Variants in ZFHX4 observed in about 807,000 individuals in gnomAD.
ZFHX4 encodes zinc finger homeobox 4, also known as zinc finger homeobox protein 4.
Under a neutral mutation model 267.6 loss-of-function variants are expected in ZFHX4, and 56 were observed. That is an observed-to-expected ratio of 0.21 (90% CI 0.17 to 0.26). The LOEUF (loss-of-function observed/expected upper bound fraction) is 0.26, where lower values mean the gene tolerates loss of function less well. ZFHX4 is among the 10% of genes least tolerant of loss of function. The probability of loss-of-function intolerance (pLI) is 1.00; values close to 1 mark genes in which losing one functional copy is unlikely to be tolerated. For synonymous variants in ZFHX4, 1,778 were observed against 1,665.6 expected (o/e 1.07, Z -1.64); for missense variants, 4,332 against 4,420.0 (o/e 0.98, Z 0.56).
At chr8:76,687,448 G>A (rs972934569) in intron 1 of ZFHX4, among the ~76,000 whole-genome samples, 1 of 152,304 alleles carries the variant, frequency 6.6e-6, no homozygotes, top group African/African-American at 2.4e-5. Flanking sequence ...AGTCTCCCAA[G>A]ACGGGATAGT....
chr8:76,780,370 G>A (rs1032443781), intron 4 of ZFHX4, among the ~76,000 whole-genome samples: 2 of 152,112 alleles, frequency 1.3e-5, no homozygotes, highest in African/African-American at 4.8e-5. Context: ...CTACCCAGTG[G>A]TTGTAGAAAA....
At position 76,706,087 on chromosome 8, in the gene ZFHX4, C is replaced by G; in HGVS notation, c.1999C>G (p.His667Asp). Residue 667 changes from histidine to aspartate, a missense_variant, in exon 2 of 11, where the codon CAC becomes GAC. By Grantham distance (81) the His-to-Asp change is moderately conservative (BLOSUM62 -1). Around this residue, in one of 7 missense-constraint regions of ZFHX4, gnomAD observed 1,195 missense variants for 1,173.6 expected, o/e 1.02. Transcript: ENST00000651372. Reference protein sequence around the residue: ...QTLEAHMKEKHPEPGGSCVYC... With the variant: ...QTLEAHMKEKDPEPGGSCVYC... ...CCTGGAGGCCCATATGAAGGAGAAA[C>G]ACCCTGAGCCGGGTGGCTCTTGTGT... 1 of 1,613,610 alleles carries G rather than the reference C, an allele frequency of 6.2e-7. No homozygotes were observed. Among genetic ancestry groups the G allele is most frequent in the Non-Finnish European group, 8.5e-7 (1 of 1,179,754 alleles).
At chr8:76,809,728 A>T (rs1811328178) in intron 4 of ZFHX4, among the ~76,000 whole-genome samples, 1 of 152,152 alleles carries the variant, frequency 6.6e-6, no homozygotes, top group African/African-American at 2.4e-5. Context: ...TTCCATGTGT[A>T]AAAATACCAT....
intron 1 of ZFHX4, among the ~76,000 whole-genome samples, chr8:76,688,647 G>T (rs950520773): frequency 1.3e-5 from 2 of 152,120 alleles, no homozygotes; most frequent in Admixed American, 6.6e-5. Flanking sequence ...CCAGCATTAG[G>T]ACAGTTAAAA....
Position 76,855,993 on chromosome 8 carries a change from T to C in ZFHX4, c.9072T>C (p.Asp3024=). 1.2e-6 allele frequency: 2 copies of C among 1,613,878 alleles called. No homozygotes were observed. The highest frequency in any genetic ancestry group is 1.7e-6 in the Non-Finnish European group (2 of 1,179,858). Residue 3024 remains aspartate, a synonymous_variant, in exon 10 of 11, where the codon GAT becomes GAC. Transcript: ENST00000651372. ...VKYSARLSIR[D]HIFSKQHISK... ...ACTCTGCCCGCTTGTCCATCAGAGA[T>C]CACATTTTCTCCAAACAGCACATTT...
chr8:76,848,984 T>C lies in ZFHX4; in HGVS notation c.3512-11T>C. 1 of 1,507,450 alleles carries C rather than the reference T, an allele frequency of 6.6e-7. No individual in the cohort carries two copies. Among genetic ancestry groups the C allele is most frequent in the Non-Finnish European group, 8.8e-7 (1 of 1,131,354 alleles). 93.4% of individuals were successfully genotyped at this position (1,507,450 alleles called of 1,614,324 possible). On this transcript the variant is annotated splice_polypyrimidine_tract_variant and intron_variant, in intron 6 of 10. Coordinates refer to ENST00000651372, the MANE Select transcript of ZFHX4 (RefSeq NM_024721.5). ...TTTAAATTGAATTGTTCTATTCTTT[T>C]TGGGAATCAGGGATAATCACACCAG...
chr8:76,775,206 T>A (rs1810371562), intron 3 of ZFHX4, among the ~76,000 whole-genome samples: 1 of 152,202 alleles, frequency 6.6e-6, no homozygotes, highest in Admixed American at 6.5e-5. Context: ...TAGAAGAATG[T>A]ATTATTGCCA....
intron 3 of ZFHX4, among the ~76,000 whole-genome samples, chr8:76,715,068 A>T (rs773281407): frequency 6.6e-6 from 1 of 152,182 alleles, no homozygotes; most frequent in African/African-American, 2.4e-5. Context: ...TATCAGTTTT[A>T]GACAACGATT....
chr8:76,684,321 C>G (rs967124952), intron 1 of ZFHX4, among the ~76,000 whole-genome samples: 5 of 151,922 alleles, frequency 3.3e-5, no homozygotes, highest in African/African-American at 1.2e-4. Context: ...AGCAGGAAGG[C>G]ACACAAAAAT....
At chr8:76,745,634 G>A (rs1323471841) in intron 3 of ZFHX4, among the ~76,000 whole-genome samples, 2 of 151,912 alleles carry the variant, frequency 1.3e-5, no homozygotes, top group Non-Finnish European at 2.9e-5. Context: ...GGTGATTTCA[G>A]TGTGCATTTG....
intron 3 of ZFHX4, among the ~76,000 whole-genome samples, chr8:76,723,311 T>A (rs1808772102): frequency 6.6e-6 from 1 of 152,070 alleles, no homozygotes; most frequent in African/African-American, 2.4e-5. Context: ...AAGATTAGCA[T>A]TCACTTAATG....
intron 4 of ZFHX4, among the ~76,000 whole-genome samples, chr8:76,818,334 A>G (rs2131858524): frequency 6.6e-6 from 1 of 152,328 alleles, no homozygotes; most frequent in African/African-American, 2.4e-5. Flanking sequence ...AGACTGCGGG[A>G]GAAGCAAGAA....
intron 4 of ZFHX4, among the ~76,000 whole-genome samples, chr8:76,812,494 T>G (rs1006049168): frequency 6.6e-6 from 1 of 152,194 alleles, no homozygotes. Flanking sequence ...TACAAGTATA[T>G]TTGACAAACT....
intron 4 of ZFHX4, among the ~76,000 whole-genome samples, chr8:76,817,137 A>G (rs1400804059): frequency 6.6e-6 from 1 of 152,120 alleles, no homozygotes; most frequent in Non-Finnish European, 1.5e-5. Flanking sequence ...AATATTGTGG[A>G]TTGTTGGAGC....
In ZFHX4 at chr8:76,864,567, A is replaced by C; in HGVS notation, c.*2A>C. 6.6e-7 allele frequency: 1 copy of C among 1,513,388 alleles called. No homozygotes were observed. The highest frequency in any genetic ancestry group is 1.3e-5 in the South Asian group (1 of 75,044). The allele number at this position is 1,513,388 out of a possible 1,614,324, so 93.7% of individuals were successfully genotyped here. ...CGAATGGATATGTTCAGTGTGTAGG[A>C]GTGAAGACAGGATCCCGTGCTTAAA... On this transcript the variant is annotated 3_prime_UTR_variant, in exon 11 of 11. Coordinates refer to ENST00000651372, the MANE Select transcript of ZFHX4 (RefSeq NM_024721.5).
intron 3 of ZFHX4, among the ~76,000 whole-genome samples, chr8:76,734,717 T>C (rs895153139): frequency 3.3e-5 from 5 of 152,162 alleles, no homozygotes; most frequent in South Asian, 2.1e-4. Flanking sequence ...TAAAGCATTT[T>C]CAGTGTGCTT....
At chr8:76,752,487 C>CAAAAATA (rs1809642427) in intron 3 of ZFHX4, among the ~76,000 whole-genome samples, 1 of 70,964 alleles carries the variant, frequency 1.4e-5, no homozygotes, top group Non-Finnish European at 3.0e-5. Context: ...ACCAAAAATC[C>CAAAAATA]AAAAAAAAAA....
At chr8:76,734,003 T>G (rs768426295) in intron 3 of ZFHX4, among the ~76,000 whole-genome samples, 2 of 152,202 alleles carry the variant, frequency 1.3e-5, no homozygotes, top group African/African-American at 4.8e-5. Context: ...ATGAAATGTT[T>G]AATAAAGTAC....
intron 3 of ZFHX4, among the ~76,000 whole-genome samples, chr8:76,737,720 G>A (rs1809203321): frequency 6.6e-6 from 1 of 152,088 alleles, no homozygotes. Context: ...GATAAAAATG[G>A]TAATTATTTT....
Sources: allele counts gnomAD v4.1 joint callset (sites outside exome capture counted in the v4.1 genomes callset), GRCh38; gene constraint gnomAD v4.1.1; regional missense constraint gnomAD v4.1.1; transcripts MANE v1.5; gene names NCBI Gene and HGNC (gene_info 2026-07-23, HGNC 2026-07-21).